The following ATP6V0A4 variants were observed in gnomAD, a reference collection of about 807,000 sequenced individuals.
ATP6V0A4 encodes the protein ATPase H+ transporting V0 subunit a4, also known as V-type proton ATPase 116 kDa subunit a 4.
ATP6V0A4 carries 86 observed loss-of-function variants against 107.3 expected under a neutral mutation model. That is an observed-to-expected ratio of 0.80 (90% confidence interval 0.67 to 0.96). ATP6V0A4 has a LOEUF of 0.96. Ranked by LOEUF, ATP6V0A4 falls within the 40% of genes least tolerant of loss-of-function variation. The probability of loss-of-function intolerance (pLI) is 0.00; values close to 1 mark genes in which losing one functional copy is unlikely to be tolerated. For synonymous variants in ATP6V0A4, 353 were observed against 381.4 expected (o/e 0.93, Z 0.87); for missense variants, 908 against 1,045.6 (o/e 0.87, Z 1.81).
rs111576892 is a variant in ATP6V0A4 at position 138,755,945 on chromosome 7, G to T, written c.723-163C>A. The T allele has an allele frequency of 2.8e-3, 3,594 of 1,299,154 alleles. 59 individuals carry two copies. In the African/African-American group the frequency reaches 0.035, roughly 13 times the overall value. 80.5% of individuals were successfully genotyped at this position (1,299,154 alleles called of 1,614,324 possible). ...TGGAAAAGGAGTCCCAGTCATAAGGGTTCCCAGTACGTCACTTGTGCTGTG... is the reference window on the plus strand; with the variant it reads ...TGGAAAAGGAGTCCCAGTCATAAGGTTTCCCAGTACGTCACTTGTGCTGTG... On this transcript the variant is annotated intron_variant, in intron 9 of 21. Transcript: ENST00000310018.
At chr7:138,725,998 T>C (rs1472163786) in intron 18 of ATP6V0A4, among the ~76,000 whole-genome samples, 1 of 151,954 alleles carries the variant, frequency 6.6e-6, no homozygotes, top group Non-Finnish European at 1.5e-5. Flanking sequence ...TATTTATTTA[T>C]TTATTTTTTG....
chr7:138,753,719 G>A (rs10261133), intron 10 of ATP6V0A4, among the ~76,000 whole-genome samples: 11,382 of 152,180 alleles, frequency 0.075, 1,389 homozygotes, highest in African/African-American at 0.26. Context: ...TAAGATTAAC[G>A]AGAGCCATGA....
intron 20 of ATP6V0A4, among the ~76,000 whole-genome samples, chr7:138,713,280 G>GAAA (rs10673617): frequency 0.031 from 3,689 of 120,668 alleles, 78 homozygotes; most frequent in Middle Eastern, 0.056. Context: ...ACTCCAGCCT[G>GAAA]AAAAAAAAAA....
intron 11 of ATP6V0A4, among the ~76,000 whole-genome samples, chr7:138,750,663 A>G (rs1806176506): frequency 6.6e-6 from 1 of 152,158 alleles, no homozygotes; most frequent in Non-Finnish European, 1.5e-5. Context: ...TGCTTTCAGG[A>G]GGCCGCACCT....
chr7:138,798,181 CGGCA>C lies in ATP6V0A4; in HGVS notation c.-272_-269del, dbSNP rs1808785788. On this transcript the variant is annotated 5_prime_UTR_variant, in exon 1 of 22. Coordinates refer to ENST00000310018, the MANE Select transcript of ATP6V0A4 (RefSeq NM_020632.3). ...TTTGCCTCCCTCCACTCGGCTTGCTCGGCAGGTAGCGTTATGAGCTTTATTCATG... is the reference window on the plus strand; with the variant it reads ...TTTGCCTCCCTCCACTCGGCTTGCTCGGTAGCGTTATGAGCTTTATTCATG... The C allele has an allele frequency of 6.3e-7, 1 of 1,590,230 alleles. No homozygotes were observed. The highest frequency in any genetic ancestry group is 1.3e-5 in the African/African-American group (1 of 74,554).
intron 1 of ATP6V0A4, among the ~76,000 whole-genome samples, chr7:138,791,025 T>C (rs1808386143): frequency 6.6e-6 from 1 of 151,410 alleles, no homozygotes; most frequent in Non-Finnish European, 1.5e-5. Context: ...TAATAGACAA[T>C]GGAAATAAAC....
At chr7:138,729,093 G>A (rs1804859994) in intron 17 of ATP6V0A4, among the ~76,000 whole-genome samples, 9 of 152,184 alleles carry the variant, frequency 5.9e-5, no homozygotes. Context: ...GAAACTCTCT[G>A]TATTCCTTAT....
intron 11 of ATP6V0A4, among the ~76,000 whole-genome samples, chr7:138,751,265 G>C (rs947372622): frequency 1.3e-5 from 2 of 152,142 alleles, no homozygotes; most frequent in Non-Finnish European, 2.9e-5. Context: ...GCCTCCCACC[G>C]GCCCTGCTGC....
chr7:138,728,707 C>T, intron 18 of ATP6V0A4, 54 bp downstream of exon 18: 2 of 1,611,014 alleles, frequency 1.2e-6, no homozygotes, highest in Non-Finnish European at 1.7e-6. Flanking sequence ...TTCATCTTTC[C>T]AGAAACCCAC....
At chr7:138,757,528 C>CA (rs760042662) in intron 8 of ATP6V0A4, among the ~76,000 whole-genome samples, 27 of 151,596 alleles carry the variant, frequency 1.8e-4, no homozygotes, top group Non-Finnish European at 3.1e-4. Flanking sequence ...AAAAAAACCC[C>CA]AAAAAACAAA....
intron 2 of ATP6V0A4, among the ~76,000 whole-genome samples, chr7:138,777,104 G>T (rs901676833): frequency 6.6e-6 from 1 of 150,938 alleles, no homozygotes; most frequent in Non-Finnish European, 1.5e-5. Flanking sequence ...AGCCGAGATC[G>T]CACCACAGCA....
At chr7:138,777,353 G>A (rs150266003) in intron 2 of ATP6V0A4, among the ~76,000 whole-genome samples, 1 of 151,978 alleles carries the variant, frequency 6.6e-6, no homozygotes, top group Non-Finnish European at 1.5e-5. Flanking sequence ...GGTGGCTCAC[G>A]CCTGTCATCC....
intron 6 of ATP6V0A4, 77 bp downstream of exon 6, chr7:138,762,823 A>G (rs1806893434): frequency 6.0e-6 from 9 of 1,505,708 alleles, no homozygotes; most frequent in South Asian, 2.3e-5. Flanking sequence ...CTCAGATCCC[A>G]GGCCAGCCAG....
chr7:138,767,654 A>C (rs1005796707), intron 5 of ATP6V0A4, among the ~76,000 whole-genome samples: 3 of 152,008 alleles, frequency 2.0e-5, no homozygotes, highest in African/African-American at 7.2e-5. Flanking sequence ...CAAAAAAAAA[A>C]AAAAAACCCA....
At chr7:138,782,359 A>G (rs1807963687) in intron 2 of ATP6V0A4, among the ~76,000 whole-genome samples, 1 of 152,148 alleles carries the variant, frequency 6.6e-6, no homozygotes, top group Non-Finnish European at 1.5e-5. Flanking sequence ...ATATTGGATT[A>G]GGGGCCCACC....
At chr7:138,761,492 G>A (rs568875756) in intron 7 of ATP6V0A4, among the ~76,000 whole-genome samples, 6 of 151,968 alleles carry the variant, frequency 3.9e-5, no homozygotes, top group African/African-American at 7.2e-5. Flanking sequence ...AAAATTAGCC[G>A]GGTGTGGTGG....
At chr7:138,775,106 G>C (rs1807599857) in intron 2 of ATP6V0A4, among the ~76,000 whole-genome samples, 1 of 152,200 alleles carries the variant, frequency 6.6e-6, no homozygotes, top group South Asian at 2.1e-4. Context: ...CTCCCCACCA[G>C]TGGCCTTAGA....
chr7:138,761,798 A>G (rs771694523), intron 7 of ATP6V0A4, among the ~76,000 whole-genome samples: 3 of 152,028 alleles, frequency 2.0e-5, no homozygotes, highest in Non-Finnish European at 4.4e-5. Context: ...TCCTGCCTCA[A>G]CTTCCTAAGT....
In ATP6V0A4 at chr7:138,770,000, G is replaced by A. The variant is rs143469923; in HGVS notation, c.118-749C>T. On this transcript the variant is annotated intron_variant, in intron 3 of 21. Coordinates refer to ENST00000310018, the MANE Select transcript of ATP6V0A4 (RefSeq NM_020632.3). Reference sequence around the variant, plus strand: ...TGGGAGGTCAAGGCTACAATGAGCCGTGATTGTGCCACTGCACTCCAGCCT... The same window carrying A: ...TGGGAGGTCAAGGCTACAATGAGCCATGATTGTGCCACTGCACTCCAGCCT... Among the ~76,000 whole-genome samples the A allele has an allele frequency of 5.9e-3, 896 of 152,244 alleles. 11 individuals carry two copies. The highest frequency in any genetic ancestry group is 0.02 in the African/African-American group (842 of 41,536).
Sources: gnomAD v4.1 joint callset for allele counts (sites outside exome capture counted in the v4.1 genomes callset) on GRCh38, gnomAD v4.1.1 for gene constraint, MANE v1.5 for transcripts, NCBI Gene and HGNC (gene_info 2026-07-23, HGNC 2026-07-21) for gene names.